C2orf49: variants seen among roughly 807,000 people sequenced by gnomAD.
C2orf49 encodes the protein tRNA splicing ligase complex subunit 2.
Under a neutral mutation model 20.6 loss-of-function variants are expected in C2orf49, and 11 were observed. The observed-to-expected ratio is 0.53, with a 90% CI of 0.34 to 0.88. C2orf49 has a LOEUF of 0.88. C2orf49 is among the 40% of genes least tolerant of loss of function. The pLI, the probability that C2orf49 is intolerant of heterozygous loss-of-function variation, is 0.02. For synonymous variants in C2orf49, 134 were observed against 108.5 expected (o/e 1.24, Z -1.46); for missense variants, 289 against 274.2 (o/e 1.05, Z -0.38).
chr2:105,350,752 A>T (rs1243112847), downstream of C2orf49, among the ~76,000 whole-genome samples: 1 of 152,222 alleles, frequency 6.6e-6, no homozygotes, highest in Non-Finnish European at 1.5e-5. Context: ...ATAAACTTTT[A>T]AAAAATAAAC....
chr2:105,346,170 A>G lies in C2orf49; in HGVS notation c.*799A>G, dbSNP rs1302898462. ...TAAATACTGCAACATTCATCCTTAA[A>G]TGTTCACCAAGAAAAGCATCTTTGT... On this transcript the variant is annotated 3_prime_UTR_variant, in exon 4 of 4. Coordinates refer to ENST00000258457, the MANE Select transcript of C2orf49 (RefSeq NM_024093.3). The G allele has an allele frequency of 2.6e-5, 4 of 152,190 alleles. No homozygotes were observed. The highest frequency in any genetic ancestry group is 4.4e-5 in the Non-Finnish European group (3 of 68,042). The allele number at this position is 152,190 out of a possible 1,614,324, so 9.4% of individuals were successfully genotyped here.
the C2orf49 span, chr2:105,367,711 G>T: frequency 6.2e-7 from 1 of 1,614,166 alleles, no homozygotes; most frequent in Non-Finnish European, 8.5e-7. Flanking sequence ...CATGCCAGCT[G>T]CTGCCCTTGT....
the C2orf49 span, chr2:105,378,839 C>G: frequency 1.3e-5 from 2 of 152,260 alleles, no homozygotes; most frequent in African/African-American, 2.4e-5. Flanking sequence ...ACTCTGTAAA[C>G]AAGCTTGCAT....
chr2:105,374,657 G>A, the C2orf49 span: 1 of 152,102 alleles, frequency 6.6e-6, no homozygotes, highest in African/African-American at 2.4e-5. Flanking sequence ...CAGAAAACTC[G>A]ACTCCACACT....
At chr2:105,351,863 A>C (rs1679944144), downstream of C2orf49, among the ~76,000 whole-genome samples, 1 of 152,218 alleles carries the variant, frequency 6.6e-6, no homozygotes, top group Admixed American at 6.5e-5. Context: ...ATATGTACCT[A>C]TATTAACCCC....
intron 3 of C2orf49, 88 bp downstream of exon 3, chr2:105,343,311 C>CTACA: frequency 7.5e-7 from 1 of 1,336,426 alleles, no homozygotes; most frequent in Non-Finnish European, 1.0e-6. Flanking sequence ...GTCGACTGTG[C>CTACA]TACATTCTGT....
At chr2:105,377,888 C>T in the C2orf49 span, 4,581 of 370,536 alleles carry the variant, frequency 0.012, 54 homozygotes, top group Middle Eastern at 0.019. Context: ...TACATGGTGG[C>T]TGCCCTGCCC....
the C2orf49 span, among the ~76,000 whole-genome samples, chr2:105,362,446 G>T: frequency 6.6e-6 from 1 of 152,114 alleles, no homozygotes; most frequent in African/African-American, 2.4e-5. Context: ...AAGTACACAG[G>T]GGGTGTATAG....
the C2orf49 span, among the ~76,000 whole-genome samples, chr2:105,381,186 C>A: frequency 6.6e-6 from 1 of 152,162 alleles, no homozygotes; most frequent in African/African-American, 2.4e-5. Context: ...GACATGGATT[C>A]TCATGTCATT....
At chr2:105,344,243 A>G (rs1041964440) in intron 3 of C2orf49, among the ~76,000 whole-genome samples, 5 of 152,184 alleles carry the variant, frequency 3.3e-5, no homozygotes, top group Non-Finnish European at 7.3e-5. Flanking sequence ...CAGGGCACAC[A>G]CTTTGGAGGC....
chr2:105,363,618 G>A, the C2orf49 span: 2 of 723,234 alleles, frequency 2.8e-6, no homozygotes, highest in South Asian at 3.8e-5. Flanking sequence ...AAACTTCACA[G>A]TCACTCGTCA....
chr2:105,377,845 C>T, the C2orf49 span: 1 of 352,934 alleles, frequency 2.8e-6, no homozygotes, highest in South Asian at 2.2e-5. Flanking sequence ...GGGAGGAGAT[C>T]CTTGGCCTCT....
the C2orf49 span, among the ~76,000 whole-genome samples, chr2:105,375,044 G>T: frequency 2.0e-5 from 3 of 152,180 alleles, no homozygotes. Context: ...AGGATGTGAA[G>T]ACATGGATCT....
In C2orf49 at chr2:105,339,573, T is replaced by C; in HGVS notation, c.100-10T>C. 6.3e-7 allele frequency: 1 copy of C among 1,576,684 alleles called. No homozygotes were observed. The highest frequency in any genetic ancestry group is 1.2e-5 in the South Asian group (1 of 82,630). ...TTGTTTTGAAATTACTTTTGTTTCC[T>C]TTCCCGCAGAAGAACATAGCTGTTG... On this transcript the variant is annotated splice_polypyrimidine_tract_variant and intron_variant, in intron 1 of 3. Transcript: ENST00000258457.
chr2:105,364,759 G>A, the C2orf49 span, among the ~76,000 whole-genome samples: 14 of 152,300 alleles, frequency 9.2e-5, no homozygotes, highest in African/African-American at 3.4e-4. Flanking sequence ...TTTACATAAA[G>A]CTTGTGAAGT....
At chr2:105,352,017 C>T (rs1232941015), downstream of C2orf49, among the ~76,000 whole-genome samples, 1 of 152,190 alleles carries the variant, frequency 6.6e-6, no homozygotes, top group Non-Finnish European at 1.5e-5. Context: ...TGGAACCTCC[C>T]ACTCCAACAG....
the C2orf49 span, among the ~76,000 whole-genome samples, chr2:105,385,735 AG>A: frequency 6.6e-6 from 1 of 152,250 alleles, no homozygotes; most frequent in East Asian, 1.9e-4. Context: ...AGCGCAGGTC[AG>A]GGTTCACCAC....
the C2orf49 span, among the ~76,000 whole-genome samples, chr2:105,384,665 GC>G: frequency 6.6e-6 from 1 of 152,136 alleles, no homozygotes; most frequent in Non-Finnish European, 1.5e-5. Flanking sequence ...GCACCACCAC[GC>G]CCAGCTAATT....
rs190618369 is a variant in C2orf49, at chr2:105,346,418, T to C, written c.*1047T>C. On this transcript the variant is annotated 3_prime_UTR_variant, in exon 4 of 4. Transcript: ENST00000258457. Reference sequence around the variant, plus strand: ...CATGTAGCAGTCCTACGTACTCTTTTCATGAGCAGTCTGTGATCTCACTCT... The same window carrying C: ...CATGTAGCAGTCCTACGTACTCTTTCCATGAGCAGTCTGTGATCTCACTCT... 54 of 152,376 alleles carry C rather than the reference T, an allele frequency of 3.5e-4. No homozygotes were observed. Among genetic ancestry groups the C allele is most frequent in the African/African-American group, 1.2e-3 (50 of 41,588 alleles). The allele number at this position is 152,376 out of a possible 1,614,324, so 9.4% of individuals were successfully genotyped here. A position where few individuals can be genotyped will look rare whatever the true frequency, so the allele number is the denominator to read the frequency against.
Sources: allele counts gnomAD v4.1 joint callset (sites outside exome capture counted in the v4.1 genomes callset), GRCh38; gene constraint gnomAD v4.1.1; transcripts MANE v1.5; gene names NCBI Gene and HGNC (gene_info 2026-07-23, HGNC 2026-07-21).